Variants in KCNQ1 observed in about 807,000 individuals in gnomAD.
The protein encoded by KCNQ1 is potassium voltage-gated channel subfamily Q member 1, also known as potassium voltage-gated channel subfamily KQT member 1.
KCNQ1 carries 49 observed loss-of-function variants against 72.4 expected under a neutral mutation model. That is an observed-to-expected ratio of 0.68 (90% CI 0.54 to 0.86). The LOEUF is 0.86. KCNQ1 is among the 40% of genes least tolerant of loss of function. The pLI is 0.00. For synonymous variants in KCNQ1, 450 were observed against 412.6 expected (o/e 1.09, Z -1.10); for missense variants, 790 against 945.1 (o/e 0.84, Z 2.15).
intron 15 of KCNQ1, among the ~76,000 whole-genome samples, chr11:2,780,425 A>G (rs1053452846): frequency 4.6e-5 from 7 of 152,210 alleles, no homozygotes; most frequent in Admixed American, 2.0e-4. Flanking sequence ...TCGGAGGCCC[A>G]GCAGGCGTGC....
intron 10 of KCNQ1, chr11:2,625,332 C>T: frequency 2.5e-6 from 1 of 398,624 alleles, no homozygotes; most frequent in Non-Finnish European, 4.4e-6. Flanking sequence ...CACACTGCAG[C>T]CTCAACCTAG....
rs78830585 is a variant in KCNQ1, at chr11:2,735,603, A to G, written c.1515-33241A>G. Among the ~76,000 whole-genome samples, 77 of 151,886 alleles carry G rather than the reference A, an allele frequency of 5.1e-4. No individual in the cohort carries two copies. The highest frequency in any genetic ancestry group is 4.5e-3 in the East Asian group (23 of 5,140). On this transcript the variant is annotated intron_variant, in intron 11 of 15. Transcript: ENST00000155840. This position sits in a 1 kb window ranked among gnomAD's most constrained non-coding sequence, Gnocchi z 7.7. ...AGCACACTTGAGGAGCACTTGGAGG[A>G]GCTGGGGGATGACATGAGTCCACTC...
At chr11:2,596,372 C>T (rs538787048) in intron 10 of KCNQ1, among the ~76,000 whole-genome samples, 3 of 152,230 alleles carry the variant, frequency 2.0e-5, no homozygotes, top group South Asian at 4.1e-4. Flanking sequence ...ATGCATGCCA[C>T]CATTTGTACA....
rs570124595 is a variant in KCNQ1 at position 2,837,821 on chromosome 11, G to A, written c.1795-9946G>A. Among the ~76,000 whole-genome samples, 10 of 152,380 alleles carry A rather than the reference G, an allele frequency of 6.6e-5. No individual in the cohort carries two copies. The South Asian group carries it at 2.1e-3, about 32-fold the overall frequency. On this transcript the variant is annotated intron_variant, in intron 15 of 15. Transcript: ENST00000155840. ...GAGGAAACCGGCTCTGGGGCGAGAA[G>A]GGCGGCGCCCAGGGGGCCACAGGGG...
At chr11:2,655,530 A>G (rs1849830469) in intron 10 of KCNQ1, 1 of 398,644 alleles carries the variant, frequency 2.5e-6, no homozygotes. Context: ...CATGGGCTCA[A>G]CCTTCTCTGC....
chr11:2,585,741 C>CG (rs781420534), intron 8 of KCNQ1, among the ~76,000 whole-genome samples: 7 of 152,182 alleles, frequency 4.6e-5, no homozygotes, highest in Non-Finnish European at 8.8e-5. Flanking sequence ...CCTCAGGGCT[C>CG]GGGAGGCCCT....
rs1846118747 is a variant in KCNQ1, at chr11:2,745,234, G to T, written c.1515-23610G>T. 6.6e-6 allele frequency among the ~76,000 whole-genome samples: 1 copy of T among 152,120 alleles called. No individual in the cohort carries two copies. The highest frequency in any genetic ancestry group is 2.4e-5 in the African/African-American group (1 of 41,422). ...CCTCGAATTTGCAGGTTAAATTTGGGAAAAACTGGAGTCTCTCTCATGTTG... is the reference window on the plus strand; with the variant it reads ...CCTCGAATTTGCAGGTTAAATTTGGTAAAAACTGGAGTCTCTCTCATGTTG... On this transcript the variant is annotated intron_variant, in intron 11 of 15. Coordinates refer to ENST00000155840, the MANE Select transcript of KCNQ1 (RefSeq NM_000218.3). This position sits in a 1 kb window ranked among gnomAD's most constrained non-coding sequence, Gnocchi z 6.2.
At position 2,602,935 on chromosome 11, in the gene KCNQ1, C is replaced by T. The variant is rs1313592123; in HGVS notation, c.1393+14081C>T. On this transcript the variant is annotated intron_variant, in intron 10 of 15. Coordinates refer to ENST00000155840, the MANE Select transcript of KCNQ1 (RefSeq NM_000218.3). This position sits in a 1 kb window ranked among gnomAD's most constrained non-coding sequence, Gnocchi z 4.8. Reference sequence around the variant, plus strand: ...TAAATTTTGATGAGATTCAATGTTTCCTTTTTATGGATTACACTTCTGATG... The same window carrying T: ...TAAATTTTGATGAGATTCAATGTTTTCTTTTTATGGATTACACTTCTGATG... Among the ~76,000 whole-genome samples, 2 of 152,108 alleles carry T rather than the reference C, an allele frequency of 1.3e-5. No homozygotes were observed. Among genetic ancestry groups the T allele is most frequent in the African/African-American group, 4.8e-5 (2 of 41,420 alleles).
Position 2,835,853 on chromosome 11 carries a change from G to C in KCNQ1, c.1795-11914G>C, listed in dbSNP as rs545222182. Among the ~76,000 whole-genome samples, 18 of 152,330 alleles carry C rather than the reference G, an allele frequency of 1.2e-4. No homozygotes were observed. In the East Asian group the frequency reaches 3.5e-3, roughly 29 times the overall value. On this transcript the variant is annotated intron_variant, in intron 15 of 15. Transcript: ENST00000155840. ...AGCCTGCAGTGTCCAGGAGCGACGG[G>C]AAGCCTCGTGGGGCTGTTGGGAGAC...
intron 10 of KCNQ1, chr11:2,632,938 A>G (rs1428834352): frequency 1.0e-5 from 4 of 398,368 alleles, no homozygotes; most frequent in Middle Eastern, 6.2e-4. Context: ...AATACCCGGT[A>G]GTGGATTGTC....
intron 15 of KCNQ1, among the ~76,000 whole-genome samples, chr11:2,786,928 A>G (rs1314491318): frequency 2.3e-5 from 3 of 129,156 alleles, no homozygotes; most frequent in Admixed American, 7.5e-5. Flanking sequence ...ACTCTCATTC[A>G]TGGTGTTTCA....
chr11:2,847,141 G>A (rs778330123), intron 15 of KCNQ1, among the ~76,000 whole-genome samples: 4 of 140,696 alleles, frequency 2.8e-5, no homozygotes, highest in African/African-American at 7.9e-5. Flanking sequence ...AGAGGCACAA[G>A]CCCTGTGCCC....
chr11:2,474,278 C>T (rs1452087569), intron 1 of KCNQ1, among the ~76,000 whole-genome samples: 4 of 152,074 alleles, frequency 2.6e-5, no homozygotes, highest in Admixed American at 6.5e-5. Context: ...GCGCCCGGGC[C>T]ACAGCTACTT....
In KCNQ1 at chr11:2,588,906, T is replaced by A. The variant is rs748558579; in HGVS notation, c.1393+52T>A. The A allele has an allele frequency of 8.1e-6, 13 of 1,596,388 alleles. No homozygotes were observed. The South Asian group carries it at 1.3e-4, about 16-fold the overall frequency. On this transcript the variant is annotated intron_variant, in intron 10 of 15. Transcript: ENST00000155840. The surrounding 1 kb of genome is among the most constrained non-coding windows in gnomAD (Gnocchi z 5.6). ...CCGCGGGGCCGGGAAGGTCACTGCC[T>A]TTTTTGGGAGCCCGAGCAAGCCAGT...
intron 1 of KCNQ1, among the ~76,000 whole-genome samples, chr11:2,452,056 G>A (rs548338579): frequency 1.4e-4 from 21 of 152,326 alleles, no homozygotes; most frequent in African/African-American, 4.6e-4. Flanking sequence ...CTGTGCCTGC[G>A]TCCTGGCAGC....
At position 2,767,547 on chromosome 11, in the gene KCNQ1, C is replaced by T. The variant is rs1416944561; in HGVS notation, c.1515-1297C>T. Among the ~76,000 whole-genome samples the T allele has an allele frequency of 6.6e-6, 1 of 152,100 alleles. No individual in the cohort carries two copies. The highest frequency in any genetic ancestry group is 2.4e-5 in the African/African-American group (1 of 41,408). ...TTTCGTGTATAAAATTGTAGATGCT[C>T]GAGGGTATTATCTCCCTACAGATAA... On this transcript the variant is annotated intron_variant, in intron 11 of 15. Coordinates refer to ENST00000155840, the MANE Select transcript of KCNQ1 (RefSeq NM_000218.3). The surrounding 1 kb of genome is among the most constrained non-coding windows in gnomAD (Gnocchi z 4.6).
At chr11:2,519,074 G>A (rs1432291829) in intron 1 of KCNQ1, among the ~76,000 whole-genome samples, 1 of 152,236 alleles carries the variant, frequency 6.6e-6, no homozygotes, top group African/African-American at 2.4e-5. Context: ...GGCAGACAGG[G>A]TGCTGTGTGG....
chr11:2,679,882 C>A lies in KCNQ1; in HGVS notation c.1514+17801C>A, dbSNP rs1476964244. On this transcript the variant is annotated intron_variant, in intron 11 of 15. Coordinates refer to ENST00000155840, the MANE Select transcript of KCNQ1 (RefSeq NM_000218.3). This position sits in a 1 kb window ranked among gnomAD's most constrained non-coding sequence, Gnocchi z 4.8. Reference sequence around the variant, plus strand: ...TTCATATAAACTTAGAACTAGCACGCCTAATTTTTTTTTTATTTTTATTTT... The same window carrying A: ...TTCATATAAACTTAGAACTAGCACGACTAATTTTTTTTTTATTTTTATTTT... The A allele has an allele frequency of 2.5e-6, 1 of 398,028 alleles. No individual in the cohort carries two copies. The highest frequency in any genetic ancestry group is 2.1e-5 in the African/African-American group (1 of 48,550). 24.7% of individuals were successfully genotyped at this position (398,028 alleles called of 1,614,324 possible). A position where few individuals can be genotyped will look rare whatever the true frequency, so the allele number is the denominator to read the frequency against.
In KCNQ1 at chr11:2,611,168, G is replaced by A; in HGVS notation, c.1393+22314G>A. On this transcript the variant is annotated intron_variant, in intron 10 of 15. Transcript: ENST00000155840. The surrounding 1 kb of genome is among the most constrained non-coding windows in gnomAD (Gnocchi z 5.3). ...TTTTGTCATTGTAAAATGCTTCTCA[G>A]TATCTCTAATAACATGGTTTGTTTT... The A allele has an allele frequency of 2.5e-6, 1 of 398,290 alleles. No individual in the cohort carries two copies. The allele number at this position is 398,290 out of a possible 1,614,324, so 24.7% of individuals were successfully genotyped here. A position where few individuals can be genotyped will look rare whatever the true frequency, so the allele number is the denominator to read the frequency against.
Sources: gnomAD v4.1 joint callset for allele counts (sites outside exome capture counted in the v4.1 genomes callset) on GRCh38, gnomAD v4.1.1 for gene constraint, Gnocchi (gnomAD v3.1) non-coding constraint, MANE v1.5 for transcripts, NCBI Gene and HGNC (gene_info 2026-07-23, HGNC 2026-07-21) for gene names.